TMPRSS9: variants seen among roughly 807,000 people sequenced by gnomAD.
The protein encoded by TMPRSS9 is transmembrane protease serine 9.
A neutral mutation model predicts 111.4 loss-of-function variants in TMPRSS9; 113 were observed. The observed-to-expected ratio is 1.01, with a 90% CI of 0.87 to 1.19. The LOEUF (loss-of-function observed/expected upper bound fraction) is 1.19, where lower values mean the gene tolerates loss of function less well. Among genes scored for constraint, TMPRSS9 ranks in the 50% most tolerant of loss-of-function variants. The pLI, the probability that TMPRSS9 is intolerant of heterozygous loss-of-function variation, is 0.00. For synonymous variants in TMPRSS9, 805 were observed against 659.1 expected, an observed-to-expected ratio of 1.22 and a Z score of -3.39; for missense variants, 1,803 against 1,513.1, an observed-to-expected ratio of 1.19 and a Z score of -3.18.
chr19:2,402,975 G>C (rs1351589349), intron 5 of TMPRSS9, 107 bp from the exon 7 acceptor site: 3 of 782,736 alleles, frequency 3.8e-6, no homozygotes, highest in Middle Eastern at 2.6e-4. Flanking sequence ...AGGAGAGAGA[G>C]AGTTTCCACA....
intron 1 of TMPRSS9, among the ~76,000 whole-genome samples, chr19:2,395,991 G>C (rs1383824730): frequency 5.3e-5 from 8 of 152,356 alleles, no homozygotes; most frequent in Non-Finnish European, 2.9e-5. Context: ...CTGGGCGACA[G>C]AGCGAGACTC....
intron 1 of TMPRSS9, among the ~76,000 whole-genome samples, chr19:2,379,870 T>TCC (rs1970373343): frequency 6.6e-6 from 1 of 151,650 alleles, no homozygotes; most frequent in Admixed American, 6.6e-5. Flanking sequence ...ATCCTCAGCC[T>TCC]CAAGAGTAGC....
intron 1 of TMPRSS9, among the ~76,000 whole-genome samples, chr19:2,393,590 C>T (rs1970645091): frequency 6.6e-6 from 1 of 152,132 alleles, no homozygotes; most frequent in Non-Finnish European, 1.5e-5. Context: ...AACCCTGTCT[C>T]TACAAAAGAA....
chr19:2,412,836 T>C (rs570512825), intron 9 of TMPRSS9, among the ~76,000 whole-genome samples: 3 of 152,130 alleles, frequency 2.0e-5, no homozygotes, highest in Non-Finnish European at 2.9e-5. Context: ...TGTGCTTAGA[T>C]TGCCATATTG....
intron 1 of TMPRSS9, among the ~76,000 whole-genome samples, chr19:2,365,551 C>T (rs536174815): frequency 2.0e-5 from 3 of 151,378 alleles, no homozygotes; most frequent in East Asian, 1.9e-4. Flanking sequence ...GATGCGGAAT[C>T]GAATGGGATG....
In TMPRSS9 at chr19:2,415,157, C is replaced by T. The variant is rs188239310; in HGVS notation, c.1574-513C>T. Among the ~76,000 whole-genome samples the T allele has an allele frequency of 2.7e-3, 414 of 152,084 alleles. 2 individuals carry two copies. The highest frequency in any genetic ancestry group is 0.01 in the Middle Eastern group (3 of 294). ...TTGGGGTTTCGCCATGTTGGCCAGG[C>T]TGGTCTCGAACTCCTGACCTCAGGT... On this transcript the variant is annotated intron_variant, in intron 10 of 17. Transcript: ENST00000648592.
Position 2,396,680 on chromosome 19 carries a change from GTGTT to G in TMPRSS9, c.270+17_270+20del. ...CTGGAGGCACTGGTGAGGGTGGTCT[GTGTT>G]TGGGGGCCAGGGAGGAAGAGCGGGT... On this transcript the variant is annotated intron_variant, in intron 2 of 17. Transcript: ENST00000648592. The G allele has an allele frequency of 6.3e-7, 1 of 1,597,224 alleles. No individual in the cohort carries two copies. Among genetic ancestry groups the G allele is most frequent in the Non-Finnish European group, 8.6e-7 (1 of 1,168,302 alleles).
At position 2,422,254 on chromosome 19, in the gene TMPRSS9, G is replaced by C; in HGVS notation, c.2548+7G>C. ...ACACACACCCAGCTACCAGGTACCGGGAGAGACGGAGGGATCCCTGGGAGT... is the reference window on the plus strand; with the variant it reads ...ACACACACCCAGCTACCAGGTACCGCGAGAGACGGAGGGATCCCTGGGAGT... On this transcript the variant is annotated splice_region_variant and intron_variant, in intron 14 of 17. Coordinates refer to ENST00000648592, the Ensembl canonical transcript of TMPRSS9. 6.7e-7 allele frequency: 1 copy of C among 1,499,832 alleles called. No homozygotes were observed. 92.9% of individuals were successfully genotyped at this position (1,499,832 alleles called of 1,614,324 possible). A position where few individuals can be genotyped will look rare whatever the true frequency, so the allele number is the denominator to read the frequency against.
chr19:2,408,988 C>CAAAATAATA (rs1568183683), intron 8 of TMPRSS9, among the ~76,000 whole-genome samples: 1 of 48,274 alleles, frequency 2.1e-5, no homozygotes, highest in East Asian at 5.9e-4. Flanking sequence ...GGCTCCATCT[C>CAAAATAATA]AAAATAATAA....
intron 1 of TMPRSS9, among the ~76,000 whole-genome samples, chr19:2,393,563 A>G (rs1468160814): frequency 6.6e-6 from 1 of 152,118 alleles, no homozygotes; most frequent in Non-Finnish European, 1.5e-5. Flanking sequence ...CGAATTTCGG[A>G]CACAGTAACA....
At chr19:2,411,242 G>A (rs1971087132) in intron 9 of TMPRSS9, among the ~76,000 whole-genome samples, 1 of 130,432 alleles carries the variant, frequency 7.7e-6, no homozygotes, top group Admixed American at 8.4e-5. Context: ...GGAGGTTGCA[G>A]TGAGCTGAGA....
chr19:2,403,277 G>A (rs1970894217), intron 6 of TMPRSS9, 82 bp downstream of exon 7: 1 of 1,208,824 alleles, frequency 8.3e-7, no homozygotes, highest in Non-Finnish European at 1.2e-6. Flanking sequence ...TGGTCACTGT[G>A]CTTATTTCAC....
chr19:2,397,823 G>A (rs1031219860), intron 2 of TMPRSS9, among the ~76,000 whole-genome samples: 2 of 151,324 alleles, frequency 1.3e-5, no homozygotes, highest in Non-Finnish European at 2.9e-5. Context: ...GGGAGGCTGA[G>A]GTGGGAGGAT....
intron 1 of TMPRSS9, among the ~76,000 whole-genome samples, chr19:2,379,615 C>CTCTTTCTTCCTTTCTTTCTTTCTTTCTT (rs1555676513): frequency 3.4e-5 from 4 of 118,618 alleles, no homozygotes; most frequent in African/African-American, 1.3e-4. Flanking sequence ...AACTTTCTTT[C>CTCTTTCTTCCTTTCTTTCTTTCTTTCTT]TCTTTCTTTC....
intron 2 of TMPRSS9, among the ~76,000 whole-genome samples, chr19:2,397,643 C>T (rs755149379): frequency 1.4e-4 from 22 of 152,012 alleles, no homozygotes; most frequent in Non-Finnish European, 2.5e-4. Context: ...CAGGCGGGCA[C>T]GGTGGGTGGC....
chr19:2,424,270 C>A lies in TMPRSS9; in HGVS notation c.2717+13C>A, dbSNP rs769429032. 3.0e-6 allele frequency: 4 copies of A among 1,351,560 alleles called. No homozygotes were observed. The highest frequency in any genetic ancestry group is 3.8e-6 in the Non-Finnish European group (4 of 1,041,208). 83.7% of individuals were successfully genotyped at this position (1,351,560 alleles called of 1,614,324 possible). A position where few individuals can be genotyped will look rare whatever the true frequency, so the allele number is the denominator to read the frequency against. The stretch of plus-strand genomic sequence containing the variant: ...ACTGCTTCGACGTGTGAGTTCCAAA[C>A]GCTCCAAATGCCCCTACATGTCTCT... On this transcript the variant is annotated intron_variant, in intron 15 of 17. Coordinates refer to ENST00000648592, the Ensembl canonical transcript of TMPRSS9.
In TMPRSS9 at chr19:2,425,094, A is replaced by C. The variant is rs1418360174; in HGVS notation, c.2810A>C (p.Lys937Thr). Residue 937 changes from lysine (K) to threonine (T), a missense_variant, in exon 16 of 18, where the codon AAG becomes ACG. Coordinates refer to ENST00000648592, the Ensembl canonical transcript of TMPRSS9. Reference sequence around the variant, plus strand: ...CTGGAGCGCGTGGCGCGCATCTACAAGCACCCGTTCTACAATCTCTACACG... The same window carrying C: ...CTGGAGCGCGTGGCGCGCATCTACACGCACCCGTTCTACAATCTCTACACG... The C allele has an allele frequency of 1.9e-6, 3 of 1,582,732 alleles. No individual in the cohort carries two copies. In the African/African-American group the frequency reaches 4.0e-5, roughly 21 times the overall value.
intron 13 of TMPRSS9, among the ~76,000 whole-genome samples, chr19:2,418,339 C>CCTT (rs1971323284): frequency 2.2e-5 from 1 of 44,718 alleles, no homozygotes; most frequent in Admixed American, 2.3e-4. Flanking sequence ...CCCTTTCCTT[C>CCTT]CCTCCCTTTC....
upstream of TMPRSS9, among the ~76,000 whole-genome samples, chr19:2,384,849 GCA>G: frequency 6.6e-6 from 1 of 150,524 alleles, no homozygotes; most frequent in Non-Finnish European, 1.5e-5. Context: ...GGGTGTGGTG[GCA>G]TGCACCTGTA....
Sources: allele counts gnomAD v4.1 joint callset (sites outside exome capture counted in the v4.1 genomes callset), GRCh38; gene constraint gnomAD v4.1.1; transcripts MANE v1.5; gene names NCBI Gene and HGNC (gene_info 2026-07-23, HGNC 2026-07-21).